CAMK1D: variants seen among roughly 807,000 people sequenced by gnomAD.
The protein encoded by CAMK1D is calcium/calmodulin dependent protein kinase ID.
CAMK1D carries 9 observed loss-of-function variants against 47.7 expected under a neutral mutation model. The observed-to-expected ratio is 0.19, with a 90% CI of 0.11 to 0.33. CAMK1D has a LOEUF of 0.33. Ranked by LOEUF, CAMK1D falls within the 10% of genes least tolerant of loss-of-function variation. CAMK1D has a pLI of 1.00. For missense variants in CAMK1D, 291 were observed against 488.7 expected, an observed-to-expected ratio of 0.60 and a Z score of 3.81; for synonymous variants, 184 against 184.9, an observed-to-expected ratio of 0.99 and a Z score of 0.04.
At chr10:12,493,987 G>A (rs949797989) in intron 1 of CAMK1D, among the ~76,000 whole-genome samples, 4 of 152,184 alleles carry the variant, frequency 2.6e-5, no homozygotes, top group Admixed American at 1.3e-4. Flanking sequence ...GGGGAAATAC[G>A]CTGGTGGATG....
intron 2 of CAMK1D, 141 bp from the exon 3 acceptor site, chr10:12,666,595 G>A: frequency 1.5e-6 from 1 of 667,522 alleles, no homozygotes; most frequent in Admixed American, 2.7e-5. Flanking sequence ...AAAAGTCTGG[G>A]GACAACATTG....
chr10:12,393,858 C>T (rs931733097), intron 1 of CAMK1D, among the ~76,000 whole-genome samples: 3 of 152,202 alleles, frequency 2.0e-5, no homozygotes, highest in Non-Finnish European at 4.4e-5. Flanking sequence ...ACGCTCCACA[C>T]CTCACACGTG....
At chr10:12,404,698 A>AT (rs34265555) in intron 1 of CAMK1D, among the ~76,000 whole-genome samples, 31,546 of 145,894 alleles carry the variant, frequency 0.22, 3,363 homozygotes, top group African/African-American at 0.25. Flanking sequence ...GTTTTTAAAA[A>AT]TTTTTTTTTT....
chr10:12,553,069 A>G (rs956231765), intron 1 of CAMK1D, among the ~76,000 whole-genome samples, 156 bp from the exon 2 acceptor site: 2 of 152,190 alleles, frequency 1.3e-5, no homozygotes, highest in Non-Finnish European at 2.9e-5. Flanking sequence ...TTGCACAAAG[A>G]TGTTTAGCAA....
At chr10:12,628,809 T>C (rs1839297155) in intron 2 of CAMK1D, among the ~76,000 whole-genome samples, 1 of 152,206 alleles carries the variant, frequency 6.6e-6, no homozygotes, top group Admixed American at 6.5e-5. Flanking sequence ...CTTCCAATCT[T>C]TGGCTGCCAC....
intron 1 of CAMK1D, among the ~76,000 whole-genome samples, chr10:12,425,874 G>A (rs1360948729): frequency 6.6e-6 from 1 of 152,154 alleles, no homozygotes; most frequent in Admixed American, 6.5e-5. Context: ...ATGATGACAG[G>A]CAGACTTTAA....
chr10:12,463,897 G>T (rs568810632), intron 1 of CAMK1D, among the ~76,000 whole-genome samples: 2 of 152,202 alleles, frequency 1.3e-5, no homozygotes, highest in East Asian at 3.9e-4. Context: ...GTGTGTGGTA[G>T]TGTCTCCTGC....
At chr10:12,555,149 G>C (rs1464130967) in intron 2 of CAMK1D, among the ~76,000 whole-genome samples, 1 of 152,228 alleles carries the variant, frequency 6.6e-6, no homozygotes, top group Non-Finnish European at 1.5e-5. Flanking sequence ...ATGAGAACAA[G>C]CCTTCTAGGG....
chr10:12,618,674 C>A (rs1015641188), intron 2 of CAMK1D, among the ~76,000 whole-genome samples: 2 of 151,872 alleles, frequency 1.3e-5, no homozygotes, highest in East Asian at 3.9e-4. Flanking sequence ...TGAGTACTTT[C>A]TATTTTCATC....
chr10:12,426,803 C>T (rs1423018799), intron 1 of CAMK1D, among the ~76,000 whole-genome samples: 1 of 152,192 alleles, frequency 6.6e-6, no homozygotes, highest in African/African-American at 2.4e-5. Flanking sequence ...CAACCTCCAC[C>T]TCCGGGGTTC....
intron 1 of CAMK1D, among the ~76,000 whole-genome samples, chr10:12,422,936 G>A (rs1253637433): frequency 6.6e-6 from 1 of 152,150 alleles, no homozygotes; most frequent in Non-Finnish European, 1.5e-5. Flanking sequence ...GCCTCCCAAA[G>A]TGCTGGAGTT....
intron 1 of CAMK1D, among the ~76,000 whole-genome samples, chr10:12,472,121 C>T (rs1029785028): frequency 8.5e-5 from 13 of 152,212 alleles, no homozygotes; most frequent in African/African-American, 2.2e-4. Flanking sequence ...ATCTGAGATG[C>T]GTCCACCCTT....
At chr10:12,827,420 T>TTTCCTTCC (rs796127858) in intron 10 of CAMK1D, among the ~76,000 whole-genome samples, 251 of 11,968 alleles carry the variant, frequency 0.021, 58 homozygotes, top group East Asian at 0.085. Flanking sequence ...TCTCTCTTTC[T>TTTCCTTCC]TTCCTTCCTT....
At chr10:12,768,684 C>T (rs1205713127) in intron 4 of CAMK1D, among the ~76,000 whole-genome samples, 1 of 150,660 alleles carries the variant, frequency 6.6e-6, no homozygotes, top group East Asian at 1.9e-4. Flanking sequence ...ATCCAGGAGT[C>T]ATCAAGTCCA....
At chr10:12,401,801 C>T (rs1017714498) in intron 1 of CAMK1D, among the ~76,000 whole-genome samples, 1 of 151,660 alleles carries the variant, frequency 6.6e-6, no homozygotes, top group African/African-American at 2.4e-5. Context: ...AATGAGAAGA[C>T]GGTCTGTTTT....
intron 7 of CAMK1D, among the ~76,000 whole-genome samples, chr10:12,814,960 G>A (rs1050983752): frequency 1.3e-5 from 2 of 152,200 alleles, no homozygotes; most frequent in Non-Finnish European, 2.9e-5. Context: ...TAAACCAATA[G>A]TAGCTGACAT....
rs540335352 is a variant in CAMK1D at position 12,539,439 on chromosome 10, G to C, written c.93-13786G>C. Among the ~76,000 whole-genome samples the C allele has an allele frequency of 3.3e-5, 5 of 152,310 alleles. No homozygotes were observed. In the East Asian group the frequency reaches 9.7e-4, roughly 29 times the overall value. ...GGTGAGTGGGAATGGCCAGATGAGG[G>C]ATGGCCAGTTGGGATTAATCATGAA... On this transcript the variant is annotated intron_variant, in intron 1 of 10. Coordinates refer to ENST00000619168, the MANE Select transcript of CAMK1D (RefSeq NM_153498.4).
At chr10:12,494,782 C>T (rs1358480246) in intron 1 of CAMK1D, among the ~76,000 whole-genome samples, 3 of 152,102 alleles carry the variant, frequency 2.0e-5, no homozygotes, top group Admixed American at 6.6e-5. Context: ...TTGGCCAGGC[C>T]GGTCTCAAAC....
intron 1 of CAMK1D, among the ~76,000 whole-genome samples, chr10:12,392,333 C>CA (rs1410429866): frequency 3.0e-4 from 46 of 151,932 alleles, no homozygotes; most frequent in Non-Finnish European, 2.7e-4. Context: ...AAATCAAAAA[C>CA]AAAAAACATA....
Sources: gnomAD v4.1 joint callset for allele counts (sites outside exome capture counted in the v4.1 genomes callset) on GRCh38, gnomAD v4.1.1 for gene constraint, MANE v1.5 for transcripts, NCBI Gene and HGNC (gene_info 2026-07-23, HGNC 2026-07-21) for gene names.